SH3RF2: variants seen among roughly 807,000 people sequenced by gnomAD.
SH3RF2 encodes the protein E3 ubiquitin-protein ligase SH3RF2.
A neutral mutation model predicts 59.0 loss-of-function variants in SH3RF2; 43 were observed. That is an observed-to-expected ratio of 0.73 (90% confidence interval 0.57 to 0.94). The LOEUF is 0.94. SH3RF2 is among the 40% of genes least tolerant of loss of function. SH3RF2 has a pLI of 0.00. For synonymous variants in SH3RF2, 391 were observed against 391.5 expected (o/e 1.00, Z 0.01); for missense variants, 930 against 940.1 (o/e 0.99, Z 0.14).
chr5:145,977,740 G>A (rs977087973), intron 2 of SH3RF2, among the ~76,000 whole-genome samples: 2 of 152,174 alleles, frequency 1.3e-5, no homozygotes, highest in African/African-American at 2.4e-5. Flanking sequence ...CTCACATTTA[G>A]CCTTCCCAAG....
At chr5:145,940,469 A>G (rs949274857) in intron 2 of SH3RF2, among the ~76,000 whole-genome samples, 48 of 152,194 alleles carry the variant, frequency 3.2e-4, no homozygotes, top group African/African-American at 1.1e-3. Context: ...CCCACAGTTA[A>G]GAGAACTGAG....
In SH3RF2 at chr5:146,000,064, C is replaced by T. The variant is rs778480634; in HGVS notation, c.385C>T (p.Arg129Ter). The T allele has an allele frequency of 1.2e-5, 19 of 1,612,134 alleles. No individual in the cohort carries two copies. Among genetic ancestry groups the T allele is most frequent in the Non-Finnish European group, 1.4e-5 (17 of 1,179,288 alleles). The change falls in exon 3 of 10, where the codon CGA (arginine) becomes TGA (stop). Residue 129 changes from arginine (R) to a stop codon, truncating the protein, a stop_gained. Coordinates refer to ENST00000359120, the MANE Select transcript of SH3RF2 (RefSeq NM_152550.4). LOFTEE classifies it high-confidence loss of function. ...TTGGTCTGTGCCATTGCAGGTGCCT[C>T]GAGCAAAGGCCTTATGCAACTACAG... ...NVRIHMDGVP[R>*]AKALCNYRGQ...
At chr5:146,049,300 C>G in intron 7 of SH3RF2, 55 bp downstream of exon 7, 1 of 1,543,566 alleles carries the variant, frequency 6.5e-7, no homozygotes, top group South Asian at 1.3e-5. Context: ...AGGCCAGGGG[C>G]CATCTGTGGG....
At chr5:145,988,807 A>T (rs1759816299) in intron 2 of SH3RF2, among the ~76,000 whole-genome samples, 1 of 152,112 alleles carries the variant, frequency 6.6e-6, no homozygotes, top group Non-Finnish European at 1.5e-5. Flanking sequence ...GGTGGATCTG[A>T]TCCTCCTGTT....
At chr5:146,010,125 G>A (rs1012881667) in intron 4 of SH3RF2, among the ~76,000 whole-genome samples, 27 of 151,968 alleles carry the variant, frequency 1.8e-4, no homozygotes, top group East Asian at 7.7e-4. Flanking sequence ...GAGAACATGC[G>A]GTGTTTGGTT....
intron 2 of SH3RF2, among the ~76,000 whole-genome samples, chr5:145,984,722 A>T (rs905034639): frequency 4.6e-5 from 7 of 152,216 alleles, no homozygotes; most frequent in African/African-American, 1.4e-4. Context: ...CGCTCCTTCC[A>T]TGAAGTTCAG....
chr5:146,043,502 C>T (rs376407167), intron 5 of SH3RF2, among the ~76,000 whole-genome samples: 1 of 152,160 alleles, frequency 6.6e-6, no homozygotes, highest in Non-Finnish European at 1.5e-5. Context: ...TACAATAACA[C>T]TTAAGCATTT....
intron 2 of SH3RF2, among the ~76,000 whole-genome samples, chr5:145,994,962 A>G (rs2149979669): frequency 6.6e-6 from 1 of 151,586 alleles, no homozygotes; most frequent in Admixed American, 6.6e-5. Context: ...TTATCTTCTC[A>G]TTCTCCCTTT....
At chr5:146,072,489 G>T (rs752804168) in intron 9 of SH3RF2, among the ~76,000 whole-genome samples, 7 of 152,106 alleles carry the variant, frequency 4.6e-5, no homozygotes, top group Non-Finnish European at 1.0e-4. Context: ...TGGCCAATAT[G>T]GTGAAACCCC....
chr5:145,966,626 G>A (rs986473584), intron 2 of SH3RF2, among the ~76,000 whole-genome samples: 9 of 152,058 alleles, frequency 5.9e-5, no homozygotes, highest in Admixed American at 3.3e-4. Flanking sequence ...ATGCTGTGGG[G>A]GAAAACAAGA....
At chr5:146,003,755 A>G (rs1000290178) in intron 3 of SH3RF2, among the ~76,000 whole-genome samples, 2 of 152,200 alleles carry the variant, frequency 1.3e-5, no homozygotes, top group African/African-American at 4.8e-5. Flanking sequence ...TGATTTCTCC[A>G]TCAGATAAAT....
At chr5:146,037,839 A>T (rs1427007217) in intron 5 of SH3RF2, among the ~76,000 whole-genome samples, 2 of 152,244 alleles carry the variant, frequency 1.3e-5, no homozygotes, top group Non-Finnish European at 2.9e-5. Flanking sequence ...TAAGATTAGG[A>T]TAGCCTTACT....
chr5:145,947,866 C>G (rs962417279), intron 2 of SH3RF2, among the ~76,000 whole-genome samples: 3 of 152,122 alleles, frequency 2.0e-5, no homozygotes, highest in Non-Finnish European at 2.9e-5. Context: ...TTTATGTAAA[C>G]CACATACTAC....
intron 5 of SH3RF2, among the ~76,000 whole-genome samples, chr5:146,038,222 T>A (rs1450926005): frequency 3.3e-5 from 5 of 152,160 alleles, no homozygotes; most frequent in Admixed American, 6.5e-5. Context: ...GTGGCAAACA[T>A]CATACTTAAT....
chr5:145,951,538 C>T (rs978397130), intron 2 of SH3RF2, among the ~76,000 whole-genome samples: 1 of 152,176 alleles, frequency 6.6e-6, no homozygotes, highest in Non-Finnish European at 1.5e-5. Flanking sequence ...CTCCAAGCCA[C>T]CCCTCCTATG....
At chr5:146,057,928 G>GTCTCTCTCTCTCTCTCTCTCTC (rs58826823) in intron 8 of SH3RF2, among the ~76,000 whole-genome samples, 9 of 133,174 alleles carry the variant, frequency 6.8e-5, no homozygotes, top group African/African-American at 1.5e-4. Flanking sequence ...GGCTGTTAGT[G>GTCTCTCTCTCTCTCTCTCTCTC]TCTCTCTCTC....
At chr5:145,959,615 A>G (rs568007843) in intron 2 of SH3RF2, among the ~76,000 whole-genome samples, 53 of 145,520 alleles carry the variant, frequency 3.6e-4, no homozygotes, top group East Asian at 1.6e-3. Flanking sequence ...CTATATATAT[A>G]TGTGTGTGTG....
At chr5:145,977,442 A>G (rs1159352305) in intron 2 of SH3RF2, among the ~76,000 whole-genome samples, 8 of 152,154 alleles carry the variant, frequency 5.3e-5, no homozygotes. Context: ...GGCTTTACAT[A>G]TATCTGTACA....
chr5:145,983,742 G>A (rs775414205), intron 2 of SH3RF2, among the ~76,000 whole-genome samples: 3 of 152,288 alleles, frequency 2.0e-5, no homozygotes, highest in South Asian at 2.1e-4. Flanking sequence ...TGCCTGCAGT[G>A]GTGATTATAC....
Sources: gnomAD v4.1 joint callset for allele counts (sites outside exome capture counted in the v4.1 genomes callset) on GRCh38, gnomAD v4.1.1 for gene constraint, MANE v1.5 for transcripts, NCBI Gene and HGNC (gene_info 2026-07-23, HGNC 2026-07-21) for gene names.